TSKS: variants seen among roughly 807,000 people sequenced by gnomAD.
TSKS encodes the protein testis specific serine kinase substrate, also known as testis-specific serine kinase substrate.
A neutral mutation model predicts 68.0 loss-of-function variants in TSKS; 27 were observed. That is an observed-to-expected ratio of 0.40 (90% CI 0.29 to 0.55). The LOEUF (loss-of-function observed/expected upper bound fraction) is 0.55, where lower values mean the gene tolerates loss of function less well. Among genes scored for constraint, TSKS ranks in the 20% least tolerant of loss-of-function variants. The pLI is 0.53. For missense variants in TSKS, 806 were observed against 776.0 expected (o/e 1.04, Z -0.46); for synonymous variants, 331 against 340.4 (o/e 0.97, Z 0.30).
intron 1 of TSKS, 113 bp downstream of exon 1, chr19:49,762,965 G>C: frequency 7.3e-7 from 1 of 1,366,734 alleles, no homozygotes. Flanking sequence ...TCCTGCCCCC[G>C]ACCTGCTGGC....
At position 49,748,419 on chromosome 19, in the gene TSKS, C is replaced by T. The variant is rs753892603; in HGVS notation, c.450G>A (p.Leu150=). Residue 150 remains leucine (L), a synonymous_variant, in exon 3 of 11, where the codon TTG becomes TTA. Transcript: ENST00000246801. ...GGTTAACCCGGTTGGTCTTTTCCTT[C>T]AAGCTGGTGATGGAGTCTTTGGCGC... ...LVRAKDSITS[L]KEKTNRVNQH... 6.2e-7 allele frequency: 1 copy of T among 1,614,206 alleles called. No homozygotes were observed. The highest frequency in any genetic ancestry group is 8.5e-7 in the Non-Finnish European group (1 of 1,180,034).
At chr19:49,760,918 G>GCCA (rs2084435087) in intron 2 of TSKS, among the ~76,000 whole-genome samples, 1 of 151,964 alleles carries the variant, frequency 6.6e-6, no homozygotes, top group African/African-American at 2.4e-5. Flanking sequence ...GAGAAACCCT[G>GCCA]TTTCTACTAA....
In TSKS at chr19:49,743,400, T is replaced by C. The variant is rs778635824; in HGVS notation, c.1361+831A>G. 4.0e-5 allele frequency among the ~76,000 whole-genome samples: 6 copies of C among 151,744 alleles called. No individual in the cohort carries two copies. In the East Asian group the frequency reaches 1.2e-3, roughly 29 times the overall value. ...CCCTTTTTATTTTATTTTTATTTTA[T>C]TGAGACACAGTTTCACTCTACCTAC... On this transcript the variant is annotated intron_variant, in intron 8 of 10. Coordinates refer to ENST00000246801, the MANE Select transcript of TSKS (RefSeq NM_021733.2).
At chr19:49,759,928 C>T (rs991320804) in intron 2 of TSKS, among the ~76,000 whole-genome samples, 27 of 150,200 alleles carry the variant, frequency 1.8e-4, no homozygotes, top group African/African-American at 4.7e-4. Context: ...CTGAGGTGGG[C>T]GGTCATCTGA....
Position 49,763,197 on chromosome 19 carries a change from C to A in TSKS, c.51G>T (p.Glu17Asp). ...CCACCCCCGTGGGGGTGTCCCCGGCCTCATGGATCTCTTTGGACTGCCAGA... is the reference window on the plus strand; with the variant it reads ...CCACCCCCGTGGGGGTGTCCCCGGCATCATGGATCTCTTTGGACTGCCAGA... Reference protein sequence around the residue: ...KTIWQSKEIHEAGDTPTGVES... With the variant: ...KTIWQSKEIHDAGDTPTGVES... The change falls in exon 1 of 11, where the codon GAG becomes GAT. Residue 17 changes from glutamate (E) to aspartate (D), a missense_variant. Coordinates refer to ENST00000246801, the MANE Select transcript of TSKS (RefSeq NM_021733.2). The surrounding 1 kb of genome is among the most constrained non-coding windows in gnomAD (Gnocchi z 4.5). 2 of 1,575,196 alleles carry A rather than the reference C, an allele frequency of 1.3e-6. No individual in the cohort carries two copies. The highest frequency in any genetic ancestry group is 1.7e-6 in the Non-Finnish European group (2 of 1,161,678).
chr19:49,754,327 C>T (rs898473903), intron 2 of TSKS, among the ~76,000 whole-genome samples: 23 of 151,310 alleles, frequency 1.5e-4, no homozygotes, highest in African/African-American at 5.1e-4. Context: ...GGTTAAACCC[C>T]GTCTCTGCTA....
chr19:49,746,364 T>G, intron 6 of TSKS, 106 bp downstream of exon 6: 1 of 1,354,012 alleles, frequency 7.4e-7, no homozygotes, highest in Non-Finnish European at 1.0e-6. Flanking sequence ...CTCAGCTACT[T>G]GAGAACCCCC....
chr19:49,741,576 T>C (rs2084252486), intron 9 of TSKS, among the ~76,000 whole-genome samples: 1 of 152,176 alleles, frequency 6.6e-6, no homozygotes, highest in African/African-American at 2.4e-5. Flanking sequence ...ATCAGGCCTA[T>C]GTTCCATGAA....
At chr19:49,741,798 C>G in intron 9 of TSKS, 87 bp downstream of exon 9, 1 of 1,581,694 alleles carries the variant, frequency 6.3e-7, no homozygotes, top group Non-Finnish European at 8.6e-7. Flanking sequence ...CTGCCACACA[C>G]CAGCAGTACC....
At chr19:49,752,679 A>C (rs1184083237) in intron 2 of TSKS, among the ~76,000 whole-genome samples, 1 of 152,252 alleles carries the variant, frequency 6.6e-6, no homozygotes, top group African/African-American at 2.4e-5. Flanking sequence ...TGCCGAAGGC[A>C]ATGGATAACA....
At position 49,746,345 on chromosome 19, in the gene TSKS, A is replaced by G. The variant is rs925270420; in HGVS notation, c.992+125T>C. 4.7e-5 allele frequency: 54 copies of G among 1,152,320 alleles called. No homozygotes were observed. In the African/African-American group the frequency reaches 8.4e-4, roughly 18 times the overall value. 71.4% of individuals were successfully genotyped at this position (1,152,320 alleles called of 1,614,324 possible). On this transcript the variant is annotated intron_variant, in intron 6 of 10. Coordinates refer to ENST00000246801, the MANE Select transcript of TSKS (RefSeq NM_021733.2). ...AGGTCCCCGAGGCTCCACCCATGTC[A>G]CCGCCCACCTCAGCTACTTGAGAAC...
rs150411556 is a variant in TSKS at position 49,745,313 on chromosome 19, C to G, written c.1076G>C (p.Gly359Ala). Residue 359 changes from glycine (G) to alanine (A), a missense_variant, in exon 7 of 11, where the codon GGC becomes GCC. Gly to Ala is a moderately conservative substitution (Grantham distance 60). Coordinates refer to ENST00000246801, the MANE Select transcript of TSKS (RefSeq NM_021733.2). Reference protein sequence around the residue: ...QEALRLLGGLGGRVDGFLGQW... With the variant: ...QEALRLLGGLAGRVDGFLGQW... ...GCCTAGGAAGCCGTCGACCCTGCCG[C>G]CCAGGCCCCCGAGCAGCCGCAGGGC... 6.2e-7 allele frequency: 1 copy of G among 1,603,996 alleles called. No homozygotes were observed. The highest frequency in any genetic ancestry group is 1.3e-5 in the African/African-American group (1 of 74,912).
Position 49,741,974 on chromosome 19 carries a change from G to A in TSKS, c.1408C>T (p.Arg470Ter), listed in dbSNP as rs1353051995. ...TCGTCCACTAGTGAGGTCAGTGCTC[G>A]GTCCAGCAGCTGCTGCAGGGACTCC... is the stretch of plus-strand genomic sequence containing the variant. ...STESLQQLLDRALTSLVDEVK... is the reference protein window; with the variant it reads ...STESLQQLLD The change falls in exon 9 of 11, where the codon CGA (arginine) becomes TGA (stop). Residue 470 changes from arginine (R) to a stop codon, truncating the protein, a stop_gained. Transcript: ENST00000246801. LOFTEE classifies it high-confidence loss of function. 2.5e-6 allele frequency: 4 copies of A among 1,614,106 alleles called. No individual in the cohort carries two copies. Among genetic ancestry groups the A allele is most frequent in the Admixed American group, 1.7e-5 (1 of 59,996 alleles).
chr19:49,744,395 C>T lies in TSKS; in HGVS notation c.1197G>A (p.Arg399=), dbSNP rs776850276. Residue 399 remains arginine, a synonymous_variant, in exon 8 of 11, where the codon CGG becomes CGA. Coordinates refer to ENST00000246801, the MANE Select transcript of TSKS (RefSeq NM_021733.2). The part of the protein sequence containing the change: ...RADELCTMVE[R]SAVSVASLRS... ...TCAGTGAAGCCACAGACACTGCTGA[C>T]CGCTCCACCCTGAGGCATGAGTAAC... 1 of 1,613,642 alleles carries T rather than the reference C, an allele frequency of 6.2e-7. No homozygotes were observed. The highest frequency in any genetic ancestry group is 8.5e-7 in the Non-Finnish European group (1 of 1,179,614).
chr19:49,757,111 C>G (rs2123626493), intron 2 of TSKS, among the ~76,000 whole-genome samples: 1 of 152,298 alleles, frequency 6.6e-6, no homozygotes, highest in African/African-American at 2.4e-5. Context: ...TAAGAGACTA[C>G]TTCATAAGAG....
rs768981824 is a variant in TSKS, at chr19:49,763,061, G to A, written c.170+17C>T. 85 of 1,608,038 alleles carry A rather than the reference G, an allele frequency of 5.3e-5. No homozygotes were observed. The East Asian group carries it at 1.5e-3, about 28-fold the overall frequency. On this transcript the variant is annotated intron_variant, in intron 1 of 10. Coordinates refer to ENST00000246801, the MANE Select transcript of TSKS (RefSeq NM_021733.2). This position sits in a 1 kb window ranked among gnomAD's most constrained non-coding sequence, Gnocchi z 4.5. ...CTGGGCATTAGAACCATCCCTGACA[G>A]TGTGCAACAAACCCACCCGTGGAAC...
chr19:49,748,016 C>G, intron 4 of TSKS, 69 bp downstream of exon 4: 1 of 1,491,270 alleles, frequency 6.7e-7, no homozygotes, highest in Non-Finnish European at 9.3e-7. Context: ...GCCTCCTCCC[C>G]TCTTTCTCCC....
chr19:49,762,261 G>A, intron 1 of TSKS, 29 bp from the exon 2 acceptor site: 3 of 1,590,708 alleles, frequency 1.9e-6, no homozygotes, highest in Non-Finnish European at 2.6e-6. Flanking sequence ...CAGAAAAGTG[G>A]AGAAGCAGCC....
At chr19:49,762,853 C>T (rs1300326190) in intron 1 of TSKS, among the ~76,000 whole-genome samples, 1 of 151,960 alleles carries the variant, frequency 6.6e-6, no homozygotes, top group Non-Finnish European at 1.5e-5. Context: ...TTTTTCCTCT[C>T]TCCATCCATC....
Sources: gnomAD v4.1 joint callset for allele counts (sites outside exome capture counted in the v4.1 genomes callset) on GRCh38, gnomAD v4.1.1 for gene constraint, Gnocchi (gnomAD v3.1) non-coding constraint, MANE v1.5 for transcripts, NCBI Gene and HGNC (gene_info 2026-07-23, HGNC 2026-07-21) for gene names.